ZFYVE26: variants seen among roughly 807,000 people sequenced by gnomAD.
ZFYVE26 encodes the protein zinc finger FYVE domain-containing protein 26.
A neutral mutation model predicts 276.5 loss-of-function variants in ZFYVE26; 181 were observed. The ratio of observed to expected loss-of-function variants is 0.65; its 90% confidence interval spans 0.58 to 0.74. The LOEUF is 0.74. Ranked by LOEUF, ZFYVE26 falls within the 30% of genes least tolerant of loss-of-function variation. ZFYVE26 has a pLI of 0.00. For synonymous variants in ZFYVE26, 1,129 were observed against 1,203.1 expected, an observed-to-expected ratio of 0.94 and a Z score of 1.27; for missense variants, 2,821 against 3,097.9, an observed-to-expected ratio of 0.91 and a Z score of 2.12.
Position 67,767,789 on chromosome 14 carries a change from A to G in ZFYVE26, c.5705T>C (p.Val1902Ala). The change falls in exon 31 of 42, where the codon GTC (valine) becomes GCC (alanine). Residue 1902 changes from valine to alanine, a missense_variant. Coordinates refer to ENST00000347230, the MANE Select transcript of ZFYVE26 (RefSeq NM_015346.4). Reference protein sequence around the residue: ...ESPPYSFVVRVPKADEVEWIL... With the variant: ...ESPPYSFVVRAPKADEVEWIL... ...CCATTCCACCTCATCTGCTTTGGGG[A>G]CTCTCACCACAAACGAGTATGGAGG... 1.2e-6 allele frequency: 2 copies of G among 1,613,734 alleles called. No individual in the cohort carries two copies. Among genetic ancestry groups the G allele is most frequent in the Non-Finnish European group, 8.5e-7 (1 of 1,179,958 alleles).
At chr14:67,799,428 A>G (rs2040033948) in intron 10 of ZFYVE26, 1 of 1,612,668 alleles carries the variant, frequency 6.2e-7, no homozygotes, top group African/African-American at 1.3e-5. Context: ...AAAGAAGCAG[A>G]AACGAGCAGA....
In ZFYVE26 at chr14:67,746,851, A is replaced by T. The variant is rs1440743293; in HGVS notation, c.*1585T>A. On this transcript the variant is annotated 3_prime_UTR_variant, in exon 42 of 42. Coordinates refer to ENST00000347230, the MANE Select transcript of ZFYVE26 (RefSeq NM_015346.4). ...GAGAAGGACATTTCCTGGGAGATGG[A>T]TACGTTCTATGACTCAAGGAAGGAA... 6.6e-6 allele frequency: 1 copy of T among 152,614 alleles called. No individual in the cohort carries two copies. Among genetic ancestry groups the T allele is most frequent in the East Asian group, 1.9e-4 (1 of 5,188 alleles). 9.5% of individuals were successfully genotyped at this position (152,614 alleles called of 1,614,324 possible).
chr14:67,761,854 T>C, intron 34 of ZFYVE26: 1 of 565,536 alleles, frequency 1.8e-6, no homozygotes, highest in East Asian at 3.1e-5. Flanking sequence ...GATACACAAT[T>C]CTACATATTA....
At chr14:67,751,421 A>G (rs1429324854) in intron 40 of ZFYVE26, 3 of 439,288 alleles carry the variant, frequency 6.8e-6, no homozygotes, top group Non-Finnish European at 1.3e-5. Flanking sequence ...TGCAAGCACT[A>G]AGTTCTCACA....
chr14:67,783,658 AC>A, intron 20 of ZFYVE26, 133 bp from the exon 21 acceptor site: 1 of 1,194,238 alleles, frequency 8.4e-7, no homozygotes. Context: ...TTTTTAAAAC[AC>A]AAAAAGTAGC....
rs1161415259 is a variant in ZFYVE26 at position 67,748,407 on chromosome 14, C to T, written c.*29G>A. The stretch of plus-strand genomic sequence containing the variant: ...TCACTGCTGTTGCCCAGCTCTCAGG[C>T]CACGTGTTCCTGGCCCCACTGCCCA... On this transcript the variant is annotated 3_prime_UTR_variant, in exon 42 of 42. Coordinates refer to ENST00000347230, the MANE Select transcript of ZFYVE26 (RefSeq NM_015346.4). 2 of 1,608,674 alleles carry T rather than the reference C, an allele frequency of 1.2e-6. No homozygotes were observed. The highest frequency in any genetic ancestry group is 1.7e-5 in the Admixed American group (1 of 59,954).
intron 13 of ZFYVE26, among the ~76,000 whole-genome samples, chr14:67,736,618 A>G (rs1490331372): frequency 6.6e-6 from 1 of 152,240 alleles, no homozygotes; most frequent in African/African-American, 2.4e-5. Context: ...CAAAAAGCAT[A>G]TGGGAAAAGA....
At chr14:67,754,313 A>T in intron 37 of ZFYVE26, 101 bp from the exon 38 acceptor site, 1 of 1,499,180 alleles carries the variant, frequency 6.7e-7, no homozygotes, top group Non-Finnish European at 9.2e-7. Flanking sequence ...AAAAAGGGAA[A>T]ACAAATGATA....
At position 67,802,181 on chromosome 14, in the gene ZFYVE26, C is replaced by T; in HGVS notation, c.1537G>A (p.Val513Ile). ...AMKYAIYALC[V>I]NSHQHSQCQD... is the part of the protein sequence containing the mutation. Reference sequence around the variant, plus strand: ...CACTGGGAGTGCTGGTGTGAGTTTACACAGAGGGCATAGATGGCATACTTC... The same window carrying T: ...CACTGGGAGTGCTGGTGTGAGTTTATACAGAGGGCATAGATGGCATACTTC... Residue 513 changes from valine to isoleucine, a missense_variant, in exon 10 of 42, where the codon GTA becomes ATA. Coordinates refer to ENST00000347230, the MANE Select transcript of ZFYVE26 (RefSeq NM_015346.4). 1 of 1,614,136 alleles carries T rather than the reference C, an allele frequency of 6.2e-7. No homozygotes were observed. The highest frequency in any genetic ancestry group is 8.5e-7 in the Non-Finnish European group (1 of 1,180,036).
At position 67,802,132 on chromosome 14, in the gene ZFYVE26, G is replaced by C; in HGVS notation, c.1586C>G (p.Ser529Cys). The change falls in exon 10 of 42, where the codon TCT becomes TGT. Residue 529 changes from serine to cysteine, a missense_variant. Physicochemically the swap from Ser to Cys is moderately radical, Grantham distance 112 (BLOSUM62 -1). Coordinates refer to ENST00000347230, the MANE Select transcript of ZFYVE26 (RefSeq NM_015346.4). ...SQCQDCKDSL[S>C]EDLASATEPA... ...CTCTGTAGCTGAGGCCAGGTCCTCA[G>C]AGAGGCTGTCTTTGCAGTCCTGGCA... 6.2e-7 allele frequency: 1 copy of C among 1,613,998 alleles called. No homozygotes were observed. Among genetic ancestry groups the C allele is most frequent in the Non-Finnish European group, 8.5e-7 (1 of 1,180,046 alleles).
chr14:67,805,075 T>C, intron 8 of ZFYVE26, 142 bp downstream of exon 8: 1 of 768,040 alleles, frequency 1.3e-6, no homozygotes, highest in Non-Finnish European at 2.2e-6. Context: ...CTTGGTTTAA[T>C]TGTTGGAACA....
chr14:67,757,702 T>A (rs935758250), intron 35 of ZFYVE26, among the ~76,000 whole-genome samples: 1 of 149,042 alleles, frequency 6.7e-6, no homozygotes, highest in African/African-American at 2.6e-5. Context: ...TTCCTTTCTT[T>A]CTCTCTCTCT....
chr14:67,762,562 T>C lies in ZFYVE26; in HGVS notation c.6159+110A>G. 2.5e-6 allele frequency: 4 copies of C among 1,580,988 alleles called. 1 individual carries two copies. Among genetic ancestry groups the C allele is most frequent in the South Asian group, 2.2e-5 (2 of 88,958 alleles). On this transcript the variant is annotated intron_variant, in intron 33 of 41. Coordinates refer to ENST00000347230, the MANE Select transcript of ZFYVE26 (RefSeq NM_015346.4). Reference sequence around the variant, plus strand: ...GGCAAACTAGTCATGTCCCCGATTCTACCCCATGGGCAGGACAACTGAGAG... The same window carrying C: ...GGCAAACTAGTCATGTCCCCGATTCCACCCCATGGGCAGGACAACTGAGAG...
chr14:67,753,553 C>T (rs531288383), intron 39 of ZFYVE26, among the ~76,000 whole-genome samples, 154 bp downstream of exon 39: 3 of 152,190 alleles, frequency 2.0e-5, no homozygotes, highest in Non-Finnish European at 4.4e-5. Context: ...TTGAATTTGA[C>T]CCAGTTCTGT....
intron 21 of ZFYVE26, 98 bp from the exon 22 acceptor site, chr14:67,781,627 T>A: frequency 8.8e-7 from 1 of 1,132,576 alleles, no homozygotes; most frequent in South Asian, 1.3e-5. Flanking sequence ...TTCAATCTCG[T>A]AAAAGAGGAG....
chr14:67,738,242 C>CA (rs2038374138), intron 13 of ZFYVE26, among the ~76,000 whole-genome samples: 1 of 150,894 alleles, frequency 6.6e-6, no homozygotes, highest in Non-Finnish European at 1.5e-5. Flanking sequence ...TTCATATTAG[C>CA]AAAAAAATGG....
rs1157657873 is a variant in ZFYVE26, at chr14:67,815,976, G to C, written c.-13C>G. Reference sequence around the variant, plus strand: ...ATGGATGATTCATTTTCCCAGCACAGAGTGCAGGGAGATACAAAGAAATGA... The same window carrying C: ...ATGGATGATTCATTTTCCCAGCACACAGTGCAGGGAGATACAAAGAAATGA... On this transcript the variant is annotated 5_prime_UTR_variant, in exon 2 of 42. Coordinates refer to ENST00000347230, the MANE Select transcript of ZFYVE26 (RefSeq NM_015346.4). 6.3e-7 allele frequency: 1 copy of C among 1,597,210 alleles called. No homozygotes were observed. The highest frequency in any genetic ancestry group is 1.1e-5 in the South Asian group (1 of 89,924).
At chr14:67,806,332 G>A (rs549880285) in intron 6 of ZFYVE26, among the ~76,000 whole-genome samples, 11 of 152,310 alleles carry the variant, frequency 7.2e-5, no homozygotes, top group South Asian at 6.2e-4. Flanking sequence ...TTCTGCCAAA[G>A]GACCGATGTA....
chr14:67,786,313 TA>T, intron 16 of ZFYVE26, 80 bp from the exon 17 acceptor site: 4 of 1,501,700 alleles, frequency 2.7e-6, no homozygotes, highest in Non-Finnish European at 2.7e-6. Context: ...GTCCTGTATT[TA>T]CCTGTGAAAT....
Sources: gnomAD v4.1 joint callset for allele counts (sites outside exome capture counted in the v4.1 genomes callset) on GRCh38, gnomAD v4.1.1 for gene constraint, MANE v1.5 for transcripts, NCBI Gene and HGNC (gene_info 2026-07-23, HGNC 2026-07-21) for gene names.